The following UBE2Q2 variants were observed in gnomAD, a reference collection of about 807,000 sequenced individuals.
UBE2Q2 encodes the protein ubiquitin-conjugating enzyme E2 Q2.
In UBE2Q2, 54 loss-of-function variants were observed where a neutral mutation model predicts 59.9. That is an observed-to-expected ratio of 0.90 (90% confidence interval 0.72 to 1.13). The LOEUF is 1.13. Among genes scored for constraint, UBE2Q2 ranks in the 50% most tolerant of loss-of-function variants. The probability of loss-of-function intolerance (pLI) is 0.00; values close to 1 mark genes in which losing one functional copy is unlikely to be tolerated. For synonymous variants in UBE2Q2, 165 were observed against 155.2 expected, an observed-to-expected ratio of 1.06 and a Z score of -0.47; for missense variants, 433 against 441.9, an observed-to-expected ratio of 0.98 and a Z score of 0.18.
chr15:75,869,153 C>T (rs1284929304), intron 4 of UBE2Q2, 143 bp downstream of exon 4: 13 of 702,346 alleles, frequency 1.9e-5, no homozygotes, highest in Admixed American at 8.8e-5. Context: ...AATTTCCCAA[C>T]TCTGGCTTTA....
In UBE2Q2 at chr15:75,891,845, A is replaced by T. The variant is rs995232761; in HGVS notation, c.1029+831A>T. Among the ~76,000 whole-genome samples the T allele has an allele frequency of 1.7e-4, 26 of 152,216 alleles. 1 individual carries two copies. Among genetic ancestry groups the T allele is most frequent in the Non-Finnish European group, 2.9e-5 (2 of 68,030 alleles). ...TAGCAAGAATTTGTGGTTTAAAGGCAAGATGGTGCTTTATGAAGCTTCCAT... is the reference window on the plus strand; with the variant it reads ...TAGCAAGAATTTGTGGTTTAAAGGCTAGATGGTGCTTTATGAAGCTTCCAT... On this transcript the variant is annotated intron_variant, in intron 11 of 12. Coordinates refer to ENST00000267938, the MANE Select transcript of UBE2Q2 (RefSeq NM_173469.4).
At chr15:75,892,305 A>G (rs538688972) in intron 11 of UBE2Q2, among the ~76,000 whole-genome samples, 50 of 152,364 alleles carry the variant, frequency 3.3e-4, no homozygotes, top group East Asian at 3.9e-4. Context: ...CACTCAAATC[A>G]TAGCATTCAA....
chr15:75,865,100 T>A (rs1897390105), intron 3 of UBE2Q2, among the ~76,000 whole-genome samples: 1 of 152,242 alleles, frequency 6.6e-6, no homozygotes, highest in Admixed American at 6.5e-5. Flanking sequence ...AGCCAACACC[T>A]AGCCAGCACC....
intron 9 of UBE2Q2, among the ~76,000 whole-genome samples, chr15:75,884,774 C>T (rs1898661142): frequency 6.6e-6 from 1 of 152,124 alleles, no homozygotes; most frequent in African/African-American, 2.4e-5. Context: ...ATCTTCCCAC[C>T]TCAGCCTCCT....
At chr15:75,847,532 T>C (rs1896415603) in intron 1 of UBE2Q2, among the ~76,000 whole-genome samples, 1 of 152,186 alleles carries the variant, frequency 6.6e-6, no homozygotes, top group Admixed American at 6.5e-5. Context: ...TATTCTTTTC[T>C]GTGAAGCCAT....
chr15:75,871,193 A>G (rs1408372699), intron 4 of UBE2Q2, among the ~76,000 whole-genome samples: 1 of 152,234 alleles, frequency 6.6e-6, no homozygotes, highest in Non-Finnish European at 1.5e-5. Flanking sequence ...AAACATCTCA[A>G]TGCTTTACAA....
At chr15:75,881,620 T>C (rs901914913) in intron 8 of UBE2Q2, among the ~76,000 whole-genome samples, 29 of 152,186 alleles carry the variant, frequency 1.9e-4, no homozygotes, top group African/African-American at 6.8e-4. Flanking sequence ...CTTTGGAGGA[T>C]AGCAGGTATG....
chr15:75,884,472 G>A (rs536248258), intron 9 of UBE2Q2, among the ~76,000 whole-genome samples: 39 of 152,230 alleles, frequency 2.6e-4, no homozygotes, highest in African/African-American at 7.0e-4. Context: ...AATCATTTCT[G>A]TGTAGTCAGA....
intron 7 of UBE2Q2, 101 bp downstream of exon 7, chr15:75,878,122 C>T (rs1388126683): frequency 2.0e-5 from 19 of 952,748 alleles, no homozygotes; most frequent in Non-Finnish European, 2.5e-5. Flanking sequence ...ATGGCTTTTA[C>T]TTAGAACTTT....
intron 10 of UBE2Q2, 94 bp from the exon 11 acceptor site, chr15:75,890,825 T>C (rs1024675501): frequency 5.9e-6 from 6 of 1,022,058 alleles, no homozygotes; most frequent in South Asian, 4.4e-5. Flanking sequence ...TAACACTGAT[T>C]TGCTGCTGTT....
intron 9 of UBE2Q2, among the ~76,000 whole-genome samples, chr15:75,885,786 T>G (rs1337851418): frequency 6.6e-6 from 1 of 152,220 alleles, no homozygotes; most frequent in East Asian, 1.9e-4. Flanking sequence ...GTGAAATAGT[T>G]GTTTAGAATT....
intron 12 of UBE2Q2, among the ~76,000 whole-genome samples, 161 bp downstream of exon 12, chr15:75,897,222 ATTTAT>A (rs374922551): frequency 5.5e-4 from 83 of 151,486 alleles, no homozygotes; most frequent in Admixed American, 9.2e-4. Flanking sequence ...TTATTTATTT[ATTTAT>A]TTTATTTTAT....
At chr15:75,866,996 C>T (rs1897525657) in intron 3 of UBE2Q2, among the ~76,000 whole-genome samples, 1 of 151,576 alleles carries the variant, frequency 6.6e-6, no homozygotes, top group African/African-American at 2.4e-5. Flanking sequence ...GTTATCTCCT[C>T]ATTTATAGAT....
At chr15:75,856,851 G>T (rs552455959) in intron 2 of UBE2Q2, among the ~76,000 whole-genome samples, 4 of 152,074 alleles carry the variant, frequency 2.6e-5, no homozygotes, top group African/African-American at 7.2e-5. Flanking sequence ...GCTGAGGCAG[G>T]AGAAGTGCTT....
At chr15:75,881,094 T>C (rs1898389264) in intron 8 of UBE2Q2, among the ~76,000 whole-genome samples, 1 of 152,076 alleles carries the variant, frequency 6.6e-6, no homozygotes, top group Non-Finnish European at 1.5e-5. Flanking sequence ...TGGCTACATT[T>C]TTACTAATTC....
chr15:75,879,179 CTCTTT>C lies in UBE2Q2; in HGVS notation c.818_822del (p.Ser273Ter). On this transcript the variant is annotated frameshift_variant, in exon 8 of 13. Transcript: ENST00000267938. LOFTEE classifies it high-confidence loss of function. The stretch of plus-strand genomic sequence containing the variant: ...GCATAGAATATATTTTGCTTAACTT[CTCTTT>C]TAAGGTAAGAAAATAGTTACAGGAC... 6.3e-7 allele frequency: 1 copy of C among 1,586,016 alleles called. No homozygotes were observed. Among genetic ancestry groups the C allele is most frequent in the South Asian group, 1.1e-5 (1 of 87,014 alleles).
intron 1 of UBE2Q2, chr15:75,844,596 C>A: frequency 8.1e-7 from 1 of 1,233,368 alleles, no homozygotes; most frequent in Non-Finnish European, 1.1e-6. Context: ...TCACGTATGT[C>A]ACAAAGCCGA....
intron 6 of UBE2Q2, among the ~76,000 whole-genome samples, chr15:75,877,033 G>A (rs936054772): frequency 1.3e-5 from 2 of 151,864 alleles, no homozygotes; most frequent in African/African-American, 2.4e-5. Flanking sequence ...GGTGGCGCAC[G>A]CCTGGTGATC....
At chr15:75,853,281 C>A (rs1338481041) in intron 1 of UBE2Q2, among the ~76,000 whole-genome samples, 3 of 152,010 alleles carry the variant, frequency 2.0e-5, no homozygotes, top group Non-Finnish European at 2.9e-5. Context: ...ACCAGCCTGG[C>A]CAGCATGGTG....
Sources: allele counts gnomAD v4.1 joint callset (sites outside exome capture counted in the v4.1 genomes callset), GRCh38; gene constraint gnomAD v4.1.1; transcripts MANE v1.5; gene names NCBI Gene and HGNC (gene_info 2026-07-23, HGNC 2026-07-21).